Variants in PABPC4 observed in about 807,000 individuals in gnomAD.
The protein encoded by PABPC4 is poly(A) binding protein cytoplasmic 4, also known as polyadenylate-binding protein 4.
PABPC4 carries 15 observed loss-of-function variants against 74.5 expected under a neutral mutation model. The ratio of observed to expected loss-of-function variants is 0.20; its 90% CI spans 0.13 to 0.31. The LOEUF is 0.31. Ranked by LOEUF, PABPC4 falls within the 10% of genes least tolerant of loss-of-function variation. The probability of loss-of-function intolerance (pLI) is 1.00; values close to 1 mark genes in which losing one functional copy is unlikely to be tolerated. For synonymous variants in PABPC4, 345 were observed against 303.0 expected (o/e 1.14, Z -1.44); for missense variants, 610 against 853.5 (o/e 0.71, Z 3.55).
chr1:39,575,711 C>A (rs750776638), intron 1 of PABPC4, 48 bp downstream of exon 1: 1 of 1,449,740 alleles, frequency 6.9e-7, no homozygotes, highest in East Asian at 2.7e-5. Flanking sequence ...AGACGACTCC[C>A]GGGGTCCTCC....
chr1:39,564,747 T>G lies in PABPC4; in HGVS notation c.1272A>C (p.Thr424=). 1 of 1,614,072 alleles carries G rather than the reference T, an allele frequency of 6.2e-7. No homozygotes were observed. Among genetic ancestry groups the G allele is most frequent in the Non-Finnish European group, 8.5e-7 (1 of 1,179,966 alleles). The part of the protein sequence containing the change: ...PQAQGRPPYY[T]PNQLAQMRPN... ...GCCTCATCTGTGCTAACTGGTTAGG[T>G]GTATAATATGGAGGCCTTCCCTGAG... Residue 424 remains threonine (T), a synonymous_variant, in exon 9 of 16, where the codon ACA becomes ACC. Coordinates refer to ENST00000372858, the MANE Select transcript of PABPC4 (RefSeq NM_001135653.2).
chr1:39,575,083 C>T (rs1313260921), intron 1 of PABPC4, among the ~76,000 whole-genome samples: 1 of 152,310 alleles, frequency 6.6e-6, no homozygotes, highest in Non-Finnish European at 1.5e-5. Context: ...TGACGCTTCC[C>T]TAAACTACCT....
chr1:39,564,444 G>C lies in PABPC4; in HGVS notation c.1432C>G (p.Pro478Ala). The part of the protein sequence containing the change: ...TGNAPASRGL[P>A]TTTQRVGSEC... The stretch of plus-strand genomic sequence containing the variant: ...TCACCGACTCTCTGAGTGGTAGTAG[G>C]GAGGCCACGAGAGGCCGGAGCATTA... The change falls in exon 10 of 16, where the codon CCT (proline) becomes GCT (alanine). Residue 478 changes from proline (P) to alanine (A), a missense_variant. By Grantham distance (27) the Pro-to-Ala change is conservative. Coordinates refer to ENST00000372858, the MANE Select transcript of PABPC4 (RefSeq NM_001135653.2). The C allele has an allele frequency of 6.2e-7, 1 of 1,614,064 alleles. No homozygotes were observed. The highest frequency in any genetic ancestry group is 8.5e-7 in the Non-Finnish European group (1 of 1,180,026).
chr1:39,576,564 G>A lies in PABPC4; in HGVS notation c.-613C>T, dbSNP rs2124026254. 1 of 150,062 alleles carries A rather than the reference G, an allele frequency of 6.7e-6. No individual in the cohort carries two copies. The highest frequency in any genetic ancestry group is 2.4e-5 in the African/African-American group (1 of 41,234). 9.3% of individuals were successfully genotyped at this position (150,062 alleles called of 1,614,324 possible). ...GCGGGCGGCTCACCCCCGGACCGAC[G>A]GACGGAGACCGACGGACGCCAAGCG... On this transcript the variant is annotated 5_prime_UTR_variant, in exon 1 of 16. Coordinates refer to ENST00000372858, the MANE Select transcript of PABPC4 (RefSeq NM_001135653.2).
intron 2 of PABPC4, among the ~76,000 whole-genome samples, chr1:39,572,027 T>C (rs1017363918): frequency 3.3e-5 from 5 of 152,226 alleles, no homozygotes; most frequent in African/African-American, 9.6e-5. Context: ...GTGCTCAGCA[T>C]AGAACAGATA....
At position 39,572,385 on chromosome 1, in the gene PABPC4, A is replaced by G. The variant is rs1557719880; in HGVS notation, c.387+8T>C. 3 of 1,577,564 alleles carry G rather than the reference A, an allele frequency of 1.9e-6. No homozygotes were observed. Among genetic ancestry groups the G allele is most frequent in the African/African-American group, 1.4e-5 (1 of 74,046 alleles). On this transcript the variant is annotated splice_region_variant and intron_variant, in intron 2 of 15. Coordinates refer to ENST00000372858, the MANE Select transcript of PABPC4 (RefSeq NM_001135653.2). ...TTATTCTGCTAAAATCATTTAATCA[A>G]TGTTTACCTTGCAGGACAGTATGTT...
rs1645761497 is a variant in PABPC4 at position 39,561,000 on chromosome 1, T to C, written c.*136A>G. On this transcript the variant is annotated 3_prime_UTR_variant, in exon 16 of 16. Transcript: ENST00000372858. ...TTCTAGGTGCTTCATAATTGACCTT[T>C]TGATACAAAATGACCTATTAAATTT... 2.6e-6 allele frequency: 1 copy of C among 387,284 alleles called. No individual in the cohort carries two copies. The highest frequency in any genetic ancestry group is 5.4e-6 in the Non-Finnish European group (1 of 184,512). The allele number at this position is 387,284 out of a possible 1,614,324, so 24.0% of individuals were successfully genotyped here.
chr1:39,562,058 T>G lies in PABPC4; in HGVS notation c.1893+15A>C. The G allele has an allele frequency of 6.2e-7, 1 of 1,611,672 alleles. No individual in the cohort carries two copies. Among genetic ancestry groups the G allele is most frequent in the South Asian group, 1.1e-5 (1 of 90,898 alleles). On this transcript the variant is annotated intron_variant, in intron 14 of 15. Coordinates refer to ENST00000372858, the MANE Select transcript of PABPC4 (RefSeq NM_001135653.2). ...AGCTGAGAACTGAAGCTGCAGGGTC[T>G]GAGCCCCAGCTCACCTTGGAGCGGA...
chr1:39,570,877 A>G (rs1425476714), intron 3 of PABPC4, among the ~76,000 whole-genome samples: 1 of 152,244 alleles, frequency 6.6e-6, no homozygotes, highest in East Asian at 1.9e-4. Flanking sequence ...GCTAGTATAC[A>G]GCTCCTGGTC....
intron 7 of PABPC4, 60 bp from the exon 8 acceptor site, chr1:39,565,438 GTGCCTGTAATCCC>G: frequency 6.5e-7 from 1 of 1,534,434 alleles, no homozygotes. Context: ...GTGATGGCTT[GTGCCTGTAATCCC>G]AGCACTTTGG....
chr1:39,564,122 C>G, intron 10 of PABPC4, 200 bp from the exon 11 acceptor site: 5 of 615,622 alleles, frequency 8.1e-6, no homozygotes, highest in Non-Finnish European at 1.4e-5. Flanking sequence ...TACACTGTTT[C>G]CTTGTATTCC....
chr1:39,564,068 C>A, intron 10 of PABPC4, 146 bp from the exon 11 acceptor site: 1 of 677,398 alleles, frequency 1.5e-6, no homozygotes. Flanking sequence ...CAAAGGATAA[C>A]ATACAACTCT....
chr1:39,564,695 T>C lies in PABPC4; in HGVS notation c.1324A>G (p.Arg442Gly). The C allele has an allele frequency of 6.2e-7, 1 of 1,614,022 alleles. No homozygotes were observed. Among genetic ancestry groups the C allele is most frequent in the Non-Finnish European group, 8.5e-7 (1 of 1,179,918 alleles). ...GTTCCCCACCACCTACCTTGAGGTC[T>C]CCCACCTTGCTGCCAGCGTGGATTA... ...RPNPRWQQGG[R>G]PQGFQGMPSA... Residue 442 changes from arginine to glycine, a missense_variant, in exon 9 of 16, where the codon AGA becomes GGA. By Grantham distance (125) the Arg-to-Gly change is moderately radical. Coordinates refer to ENST00000372858, the MANE Select transcript of PABPC4 (RefSeq NM_001135653.2).
At chr1:39,566,787 TAGA>T (rs548115552) in intron 7 of PABPC4, among the ~76,000 whole-genome samples, 175 of 152,230 alleles carry the variant, frequency 1.1e-3, no homozygotes, top group African/African-American at 4.0e-3. Flanking sequence ...TAAGCAAGGA[TAGA>T]AGATCACTCC....
chr1:39,565,227 T>C lies in PABPC4; in HGVS notation c.1124A>G (p.Lys375Arg). 1 of 1,614,232 alleles carries C rather than the reference T, an allele frequency of 6.2e-7. No individual in the cohort carries two copies. Among genetic ancestry groups the C allele is most frequent in the Non-Finnish European group, 8.5e-7 (1 of 1,180,052 alleles). Reference protein sequence around the residue: ...VALAQRKEERKAHLTNQYMQR... With the variant: ...VALAQRKEERRAHLTNQYMQR... Reference sequence around the variant, plus strand: ...CATATACTGGTTGGTCAGGTGAGCCTTTCTCTCTTCCTTCCTCTGGGCCAG... The same window carrying C: ...CATATACTGGTTGGTCAGGTGAGCCCTTCTCTCTTCCTTCCTCTGGGCCAG... Residue 375 changes from lysine to arginine, a missense_variant, in exon 8 of 16, where the codon AAG (lysine) becomes AGG (arginine). Coordinates refer to ENST00000372858, the MANE Select transcript of PABPC4 (RefSeq NM_001135653.2).
chr1:39,569,556 C>T (rs772772847), intron 5 of PABPC4, 39 bp downstream of exon 5: 29 of 1,510,748 alleles, frequency 1.9e-5, no homozygotes, highest in Non-Finnish European at 2.5e-5. Context: ...TCTGGGGCAA[C>T]CTCTTAAAAG....
chr1:39,561,841 C>T (rs899071946), intron 14 of PABPC4, 54 bp from the exon 15 acceptor site: 4 of 1,475,468 alleles, frequency 2.7e-6, no homozygotes, highest in Non-Finnish European at 3.8e-6. Context: ...TCCACCCCTC[C>T]CCAGTGCCCA....
intron 6 of PABPC4, chr1:39,568,503 G>A (rs1191867035): frequency 7.1e-6 from 2 of 280,464 alleles, no homozygotes. Flanking sequence ...GGGTCTTCTT[G>A]AAGCCATGCC....
In PABPC4 at chr1:39,575,925, G is replaced by A. The variant is rs759998653; in HGVS notation, c.27C>T (p.Pro9=). The change falls in exon 1 of 16, where the codon CCC becomes CCT. Residue 9 remains proline (P), a synonymous_variant. Coordinates refer to ENST00000372858, the MANE Select transcript of PABPC4 (RefSeq NM_001135653.2). MNAAASSY[P]MASLYVGDLH... Reference sequence around the variant, plus strand: ...GGTCGCCCACGTACAGGGAGGCCATGGGGTAGCTGCTGGCCGCAGCGTTCA... The same window carrying A: ...GGTCGCCCACGTACAGGGAGGCCATAGGGTAGCTGCTGGCCGCAGCGTTCA... 1.2e-5 allele frequency: 20 copies of A among 1,604,564 alleles called. No homozygotes were observed. The highest frequency in any genetic ancestry group is 6.6e-5 in the South Asian group (6 of 90,548).
Sources: gnomAD v4.1 joint callset for allele counts (sites outside exome capture counted in the v4.1 genomes callset) on GRCh38, gnomAD v4.1.1 for gene constraint, MANE v1.5 for transcripts, NCBI Gene and HGNC (gene_info 2026-07-23, HGNC 2026-07-21) for gene names.